The following PTPRE variants were observed in gnomAD, a reference collection of about 807,000 sequenced individuals.
PTPRE encodes the protein protein tyrosine phosphatase receptor type E, also known as receptor-type tyrosine-protein phosphatase epsilon.
In PTPRE, 51 loss-of-function variants were observed where a neutral mutation model predicts 102.0. The observed-to-expected ratio is 0.50, with a 90% CI of 0.40 to 0.63. The LOEUF is 0.63. PTPRE is among the 30% of genes least tolerant of loss of function. The pLI is 0.00. For synonymous variants in PTPRE, 345 were observed against 348.2 expected (o/e 0.99, Z 0.10); for missense variants, 752 against 915.1 (o/e 0.82, Z 2.30).
chr10:128,063,267 C>T, intron 10 of PTPRE, 87 bp downstream of exon 10: 1 of 1,540,758 alleles, frequency 6.5e-7, no homozygotes, highest in Non-Finnish European at 8.8e-7. Flanking sequence ...CCTTTTCCTA[C>T]TTCCCTCCCT....
At chr10:127,964,882 C>T (rs1309366584) in intron 1 of PTPRE, 3 of 404,404 alleles carry the variant, frequency 7.4e-6, no homozygotes, top group Admixed American at 3.0e-5. Flanking sequence ...TCAGCGGGCT[C>T]CTGGTGTCGG....
chr10:128,030,406 A>G (rs534523287), intron 2 of PTPRE, among the ~76,000 whole-genome samples: 125 of 152,166 alleles, frequency 8.2e-4, no homozygotes, highest in African/African-American at 2.9e-3. Context: ...GGAAAGAGAG[A>G]GAGAGAGAAA....
At chr10:127,924,494 G>A (rs1846865791) in intron 1 of PTPRE, among the ~76,000 whole-genome samples, 1 of 152,184 alleles carries the variant, frequency 6.6e-6, no homozygotes, top group Admixed American at 6.5e-5. Flanking sequence ...CTCCCAAAGT[G>A]CTAGGACCAC....
intron 1 of PTPRE, among the ~76,000 whole-genome samples, chr10:127,942,864 G>T (rs1848347577): frequency 6.6e-6 from 1 of 152,206 alleles, no homozygotes; most frequent in African/African-American, 2.4e-5. Context: ...GGGTTGAAAT[G>T]TTCAATTTCA....
chr10:127,958,536 G>A (rs1849563343), intron 1 of PTPRE, among the ~76,000 whole-genome samples: 2 of 152,140 alleles, frequency 1.3e-5, no homozygotes, highest in African/African-American at 4.8e-5. Flanking sequence ...TTATACATGG[G>A]ATAAATCCCA....
chr10:127,938,396 TG>T (rs1847982040), intron 1 of PTPRE, among the ~76,000 whole-genome samples: 2 of 151,850 alleles, frequency 1.3e-5, no homozygotes, highest in African/African-American at 2.4e-5. Flanking sequence ...GCTGACAGGG[TG>T]GGCTCAGCTC....
intron 6 of PTPRE, among the ~76,000 whole-genome samples, chr10:128,050,103 C>T (rs1183920862): frequency 6.9e-6 from 1 of 145,762 alleles, no homozygotes; most frequent in East Asian, 2.1e-4. Context: ...TCTGAACCAC[C>T]ATCTCGGCAT....
intron 2 of PTPRE, among the ~76,000 whole-genome samples, chr10:128,010,826 C>T (rs1266518810): frequency 1.3e-5 from 2 of 152,080 alleles, no homozygotes; most frequent in Non-Finnish European, 2.9e-5. Flanking sequence ...CTCCTGACTT[C>T]GTGATCCACC....
chr10:127,967,602 C>G (rs928702269), intron 1 of PTPRE, among the ~76,000 whole-genome samples: 6 of 152,142 alleles, frequency 3.9e-5, no homozygotes, highest in African/African-American at 1.4e-4. Flanking sequence ...TATAAATTAC[C>G]CAGTCTAGGG....
chr10:127,948,539 C>A (rs1362081826), intron 1 of PTPRE, among the ~76,000 whole-genome samples: 2 of 151,882 alleles, frequency 1.3e-5, no homozygotes, highest in Non-Finnish European at 2.9e-5. Flanking sequence ...AACCTGGCAA[C>A]CACTGATTTT....
At chr10:128,068,431 G>A (rs1226845257) in intron 12 of PTPRE, 145 bp downstream of exon 12, 8 of 916,304 alleles carry the variant, frequency 8.7e-6, no homozygotes, top group African/African-American at 1.7e-5. Context: ...CAGTGACTGA[G>A]CCAGGCCCCA....
chr10:128,031,473 CG>C (rs1367422977), intron 2 of PTPRE, among the ~76,000 whole-genome samples: 1 of 152,224 alleles, frequency 6.6e-6, no homozygotes, highest in Non-Finnish European at 1.5e-5. Context: ...GCCCCAAGGG[CG>C]GATGGGTGGA....
chr10:127,935,074 C>T (rs151077847), intron 1 of PTPRE, among the ~76,000 whole-genome samples: 59 of 152,308 alleles, frequency 3.9e-4, no homozygotes, highest in African/African-American at 1.4e-3. Flanking sequence ...TTGCCCTTCT[C>T]TCCTCCCGTT....
At chr10:127,997,228 C>T (rs1441510308) in intron 2 of PTPRE, among the ~76,000 whole-genome samples, 2 of 152,182 alleles carry the variant, frequency 1.3e-5, no homozygotes, top group African/African-American at 4.8e-5. Flanking sequence ...CTCTTAAGAG[C>T]ATTTATAATG....
At chr10:128,030,394 G>C (rs765559005) in intron 2 of PTPRE, among the ~76,000 whole-genome samples, 4 of 151,562 alleles carry the variant, frequency 2.6e-5, no homozygotes, top group Non-Finnish European at 5.9e-5. Flanking sequence ...GGTAGAGGGA[G>C]GGGAAAGAGA....
rs114855563 is a variant in PTPRE at position 128,005,205 on chromosome 10, C to T, written c.-8+22909C>T. ...GTAGGTCATCTTTTCACTTTGCTGA[C>T]GCTGTCTTCTGATGCACAAAAGTCC... On this transcript the variant is annotated intron_variant, in intron 2 of 20. Coordinates refer to ENST00000254667, the MANE Select transcript of PTPRE (RefSeq NM_006504.6). 2.2e-3 allele frequency among the ~76,000 whole-genome samples: 341 copies of T among 152,332 alleles called. 1 individual carries two copies. The highest frequency in any genetic ancestry group is 7.6e-3 in the African/African-American group (315 of 41,566).
rs1244669661 is a variant in PTPRE, at chr10:128,082,175, A to T, written c.2029-657A>T. 1.0e-4 allele frequency among the ~76,000 whole-genome samples: 12 copies of T among 114,974 alleles called. 2 individuals carry two copies. Among genetic ancestry groups the T allele is most frequent in the Admixed American group, 8.8e-4 (10 of 11,334 alleles). 75.4% of individuals were successfully genotyped at this position (114,974 alleles called of 152,430 possible). On this transcript the variant is annotated intron_variant, in intron 20 of 20. Transcript: ENST00000254667. ...ATGAAATTTATCTGGCAATGTTAGT[A>T]CTCTGATTTTTTTCTCTTTCTTTTT...
intron 1 of PTPRE, among the ~76,000 whole-genome samples, chr10:127,938,966 T>A (rs530817113): frequency 6.6e-6 from 1 of 152,250 alleles, no homozygotes; most frequent in South Asian, 2.1e-4. Context: ...TGGAGTAAAT[T>A]TGGATGTGTG....
At chr10:128,069,625 T>C in intron 12 of PTPRE, 67 bp from the exon 13 acceptor site, 1 of 1,595,382 alleles carries the variant, frequency 6.3e-7, no homozygotes. Context: ...GCAGGCCCCT[T>C]CGGGGCCTTT....
Sources: allele counts gnomAD v4.1 joint callset (sites outside exome capture counted in the v4.1 genomes callset), GRCh38; gene constraint gnomAD v4.1.1; transcripts MANE v1.5; gene names NCBI Gene and HGNC (gene_info 2026-07-23, HGNC 2026-07-21).